The following MS4A1 variants were observed in gnomAD, a reference collection of about 807,000 sequenced individuals.
MS4A1 encodes B-lymphocyte antigen CD20.
MS4A1 carries 16 observed loss-of-function variants against 26.5 expected under a neutral mutation model. The observed-to-expected ratio is 0.60, with a 90% CI of 0.41 to 0.92. The LOEUF is 0.92. Among genes scored for constraint, MS4A1 ranks in the 40% least tolerant of loss-of-function variants. The pLI is 0.00. For missense variants in MS4A1, 350 were observed against 353.0 expected, an observed-to-expected ratio of 0.99 and a Z score of 0.07; for synonymous variants, 128 against 117.6, an observed-to-expected ratio of 1.09 and a Z score of -0.57.
chr11:60,468,243 G>A lies in MS4A1; in HGVS notation c.676-7G>A. The A allele has an allele frequency of 6.2e-7, 1 of 1,602,358 alleles. No homozygotes were observed. Among genetic ancestry groups the A allele is most frequent in the South Asian group, 1.1e-5 (1 of 89,966 alleles). ...TAAAGAATGGTTTGTTTAATTTTCT[G>A]TTTTAGAACATAGTTCTCCTGTCAG... On this transcript the variant is annotated splice_region_variant and splice_polypyrimidine_tract_variant and intron_variant, in intron 7 of 7. Coordinates refer to ENST00000345732, the MANE Select transcript of MS4A1 (RefSeq NM_152866.3).
At chr11:60,460,637 C>T (rs1369458292) in intron 1 of MS4A1, among the ~76,000 whole-genome samples, 2 of 152,098 alleles carry the variant, frequency 1.3e-5, no homozygotes, top group African/African-American at 4.8e-5. Context: ...AGATGTGTCC[C>T]CAAAAGAGGG....
At chr11:60,464,095 C>T (rs760941746) in intron 4 of MS4A1, 193 bp from the exon 5 acceptor site, 11 of 603,300 alleles carry the variant, frequency 1.8e-5, no homozygotes, top group Non-Finnish European at 3.3e-5. Context: ...GTCACTGAGC[C>T]TGAATAAAGG....
chr11:60,456,614 G>T (rs893932589), intron 1 of MS4A1, among the ~76,000 whole-genome samples: 1 of 152,098 alleles, frequency 6.6e-6, no homozygotes, highest in Non-Finnish European at 1.5e-5. Flanking sequence ...TGCAGATGTG[G>T]GGGAGCTCTA....
Position 60,468,550 on chromosome 11 carries a change from A to G in MS4A1, c.*82A>G. On this transcript the variant is annotated 3_prime_UTR_variant, in exon 8 of 8. Coordinates refer to ENST00000345732, the MANE Select transcript of MS4A1 (RefSeq NM_152866.3). ...GAGACATGCTGACTTTCATTTCTTG[A>G]GGTACTCTGCACATACGCACCACAT... The G allele has an allele frequency of 7.6e-7, 1 of 1,320,050 alleles. No individual in the cohort carries two copies. The highest frequency in any genetic ancestry group is 1.8e-5 in the Admixed American group (1 of 55,242). The allele number at this position is 1,320,050 out of a possible 1,614,324, so 81.8% of individuals were successfully genotyped here.
chr11:60,460,035 CAGG>C (rs1489487150), intron 1 of MS4A1, among the ~76,000 whole-genome samples: 1 of 151,936 alleles, frequency 6.6e-6, no homozygotes, highest in Admixed American at 6.6e-5. Flanking sequence ...TGCTTGAGTC[CAGG>C]AGTTCAAGAC....
At chr11:60,460,233 G>A (rs560437348) in intron 1 of MS4A1, among the ~76,000 whole-genome samples, 5 of 152,186 alleles carry the variant, frequency 3.3e-5, no homozygotes, top group South Asian at 2.1e-4. Context: ...GCGACAGAGC[G>A]AGGCCCTGTC....
intron 1 of MS4A1, 96 bp downstream of exon 1, chr11:60,456,041 T>C (rs184201841): frequency 6.6e-6 from 1 of 152,340 alleles, no homozygotes; most frequent in East Asian, 1.9e-4. Flanking sequence ...ATCTTAATTC[T>C]AGAGTTTCCC....
chr11:60,468,651 G>A lies in MS4A1; in HGVS notation c.*183G>A, dbSNP rs35930599. On this transcript the variant is annotated 3_prime_UTR_variant, in exon 8 of 8. Coordinates refer to ENST00000345732, the MANE Select transcript of MS4A1 (RefSeq NM_152866.3). ...GAATGTAGAGAATGTAGCCATTGTA[G>A]CAGCTTGTGTTGTCACGCTTCTTCT... 543 of 643,208 alleles carry A rather than the reference G, an allele frequency of 8.4e-4. 5 individuals carry two copies. The East Asian group carries it at 0.015, about 18-fold the overall frequency. The allele number at this position is 643,208 out of a possible 1,614,324, so 39.8% of individuals were successfully genotyped here.
At chr11:60,464,128 G>A in intron 4 of MS4A1, 160 bp from the exon 5 acceptor site, 1 of 639,362 alleles carries the variant, frequency 1.6e-6, no homozygotes, top group Non-Finnish European at 2.8e-6. Context: ...GCTGAAAAAT[G>A]AATACAACTG....
At chr11:60,457,086 A>C (rs1292258633) in intron 1 of MS4A1, among the ~76,000 whole-genome samples, 2 of 152,228 alleles carry the variant, frequency 1.3e-5, no homozygotes, top group Admixed American at 1.3e-4. Flanking sequence ...TAGTAAGGAA[A>C]GCAAAGAGCT....
At chr11:60,458,575 T>C (rs928552514) in intron 1 of MS4A1, among the ~76,000 whole-genome samples, 2 of 152,238 alleles carry the variant, frequency 1.3e-5, no homozygotes, top group Non-Finnish European at 2.9e-5. Context: ...TTGCGGCTAA[T>C]GTGGTCCATA....
rs766227660 is a variant in MS4A1 at position 60,462,414 on chromosome 11, G to A, written c.40G>A (p.Ala14Thr). The A allele has an allele frequency of 3.1e-6, 5 of 1,614,052 alleles. No homozygotes were observed. The highest frequency in any genetic ancestry group is 2.7e-5 in the African/African-American group (2 of 74,912). ...PRNSVNGTFP[A>T]EPMKGPIAMQ... ...AAATTCAGTAAATGGGACTTTCCCGGCAGAGCCAATGAAAGGCCCTATTGC... is the reference window on the plus strand; with the variant it reads ...AAATTCAGTAAATGGGACTTTCCCGACAGAGCCAATGAAAGGCCCTATTGC... Residue 14 changes from alanine (A) to threonine (T), a missense_variant, in exon 3 of 8, where the codon GCA becomes ACA. Ala to Thr is a moderately conservative substitution (Grantham distance 58). Transcript: ENST00000345732.
At chr11:60,465,792 G>A (rs763092430) in intron 5 of MS4A1, 129 bp from the exon 6 acceptor site, 2 of 727,010 alleles carry the variant, frequency 2.8e-6, no homozygotes, top group Non-Finnish European at 4.9e-6. Context: ...AAAAACAACT[G>A]AGAGAACTTC....
Position 60,468,532 on chromosome 11 carries a change from G to T in MS4A1, c.*64G>T. 1 of 1,490,910 alleles carries T rather than the reference G, an allele frequency of 6.7e-7. No individual in the cohort carries two copies. The highest frequency in any genetic ancestry group is 1.4e-5 in the African/African-American group (1 of 71,794). 92.4% of individuals were successfully genotyped at this position (1,490,910 alleles called of 1,614,324 possible). Reference sequence around the variant, plus strand: ...AGTGTTCATAGCTTCCAAGAGACATGCTGACTTTCATTTCTTGAGGTACTC... The same window carrying T: ...AGTGTTCATAGCTTCCAAGAGACATTCTGACTTTCATTTCTTGAGGTACTC... On this transcript the variant is annotated 3_prime_UTR_variant, in exon 8 of 8. Transcript: ENST00000345732.
intron 4 of MS4A1, 136 bp downstream of exon 4, chr11:60,463,257 G>T: frequency 1.5e-6 from 2 of 1,291,030 alleles, no homozygotes; most frequent in South Asian, 2.5e-5. Flanking sequence ...AAGTAATTAA[G>T]AAGACAGGTT....
chr11:60,467,605 C>T (rs1415497541), intron 7 of MS4A1, among the ~76,000 whole-genome samples: 1 of 151,848 alleles, frequency 6.6e-6, no homozygotes, highest in East Asian at 1.9e-4. Flanking sequence ...ACCTTCCCTG[C>T]TGCTTGACTT....
intron 7 of MS4A1, among the ~76,000 whole-genome samples, chr11:60,467,556 G>A (rs117619721): frequency 2.3e-4 from 35 of 152,094 alleles, no homozygotes; most frequent in South Asian, 1.0e-3. Flanking sequence ...GATTGCAGGC[G>A]TGAGCCACCA....
At chr11:60,467,996 C>G (rs2086308566) in intron 7 of MS4A1, among the ~76,000 whole-genome samples, 1 of 152,166 alleles carries the variant, frequency 6.6e-6, no homozygotes. Context: ...ATGTTCTTTT[C>G]CCAATACCAC....
In MS4A1 at chr11:60,466,149, CTGTTCTTGGTAAG is replaced by C; in HGVS notation, c.573+9_573+21del. The C allele has an allele frequency of 1.6e-5, 26 of 1,607,282 alleles. No individual in the cohort carries two copies. Among genetic ancestry groups the C allele is most frequent in the South Asian group, 5.5e-5 (5 of 90,934 alleles). ...CCAATACTGTTACAGCATACAATCTCTGTTCTTGGTAAGTGTTCTTGGTAAGTGTGAGATTGGA... is the reference window on the plus strand; with the variant it reads ...CCAATACTGTTACAGCATACAATCTCTGTTCTTGGTAAGTGTGAGATTGGA... On this transcript the variant is annotated splice_donor_variant and splice_donor_5th_base_variant and coding_sequence_variant and intron_variant, in exon 6 of 8. Coordinates refer to ENST00000345732, the MANE Select transcript of MS4A1 (RefSeq NM_152866.3). LOFTEE classifies it high-confidence loss of function.
Sources: gnomAD v4.1 joint callset for allele counts (sites outside exome capture counted in the v4.1 genomes callset) on GRCh38, gnomAD v4.1.1 for gene constraint, MANE v1.5 for transcripts, NCBI Gene and HGNC (gene_info 2026-07-23, HGNC 2026-07-21) for gene names.